Variants in TENM2 observed in about 807,000 individuals in gnomAD.
TENM2 encodes the protein teneurin-2.
TENM2 carries 52 observed loss-of-function variants against 245.2 expected under a neutral mutation model. That is an observed-to-expected ratio of 0.21 (90% CI 0.17 to 0.27). The LOEUF (loss-of-function observed/expected upper bound fraction) is 0.27. Among genes scored for constraint, TENM2 ranks in the 10% least tolerant of loss-of-function variants. The pLI, the probability that TENM2 is intolerant of heterozygous loss-of-function variation, is 1.00. For missense variants in TENM2, 3,046 were observed against 3,666.8 expected (o/e 0.83, Z 4.37); for synonymous variants, 1,363 against 1,438.9 (o/e 0.95, Z 1.19).
chr5:167,930,771 T>TAAA (rs397737158), intron 3 of TENM2, among the ~76,000 whole-genome samples: 21 of 151,654 alleles, frequency 1.4e-4, no homozygotes, highest in East Asian at 3.9e-4. Flanking sequence ...TTTTTTTTTT[T>TAAA]AAAAAAGCAT....
At chr5:167,082,786 A>T in the TENM2 span, among the ~76,000 whole-genome samples, 7 of 152,132 alleles carry the variant, frequency 4.6e-5, no homozygotes, top group Non-Finnish European at 1.0e-4. Flanking sequence ...TTTAAAAATT[A>T]ATTTATTTTT....
chr5:167,909,700 G>T (rs1776399776), intron 3 of TENM2, among the ~76,000 whole-genome samples: 1 of 152,178 alleles, frequency 6.6e-6, no homozygotes, highest in Non-Finnish European at 1.5e-5. Flanking sequence ...CCAAAGTTTA[G>T]AGGACTGTAT....
At chr5:168,103,059 G>A (rs1793949833) in intron 9 of TENM2, among the ~76,000 whole-genome samples, 1 of 148,778 alleles carries the variant, frequency 6.7e-6, no homozygotes, top group South Asian at 2.1e-4. Flanking sequence ...AGGCCCCAGT[G>A]TGTGCTGTTC....
intron 13 of TENM2, among the ~76,000 whole-genome samples, chr5:168,165,653 C>A (rs1289725015): frequency 2.8e-4 from 12 of 42,142 alleles, no homozygotes; most frequent in Non-Finnish European, 3.6e-4. Context: ...CCCCAACCCC[C>A]CCCCCCCCCC....
chr5:167,693,184 C>T (rs960263386), intron 2 of TENM2, among the ~76,000 whole-genome samples: 2 of 152,102 alleles, frequency 1.3e-5, no homozygotes, highest in African/African-American at 2.4e-5. Flanking sequence ...AATATCATAA[C>T]CTCTGGGAAG....
rs138648769 is a variant in TENM2, at chr5:167,675,808, G to A, written c.503-200178G>A. 3.8e-4 allele frequency among the ~76,000 whole-genome samples: 58 copies of A among 152,206 alleles called. 1 individual carries two copies. In the East Asian group the frequency reaches 7.1e-3, roughly 19 times the overall value. ...GAAGCAATTGTTATGTTAAGTCAGAGAGTCGCATTTTCATGTAGACAGTAC... is the reference window on the plus strand; with the variant it reads ...GAAGCAATTGTTATGTTAAGTCAGAAAGTCGCATTTTCATGTAGACAGTAC... On this transcript the variant is annotated intron_variant, in intron 2 of 28. Transcript: ENST00000518659.
At chr5:167,300,773 G>A in intron 1 of TENM2, among the ~76,000 whole-genome samples, 1 of 151,862 alleles carries the variant, frequency 6.6e-6, no homozygotes, top group East Asian at 1.9e-4. Context: ...TATGAAGGAG[G>A]CTTTGAACTG....
the TENM2 span, among the ~76,000 whole-genome samples, chr5:167,216,667 C>T: frequency 6.6e-6 from 1 of 152,178 alleles, no homozygotes; most frequent in Non-Finnish European, 1.5e-5. Context: ...TGGCTTATGC[C>T]TGTAATCCCA....
intron 2 of TENM2, among the ~76,000 whole-genome samples, chr5:167,853,325 G>GCT (rs1210921978): frequency 1.6e-5 from 2 of 125,768 alleles, no homozygotes; most frequent in African/African-American, 3.1e-5. Context: ...AAGTGATCGG[G>GCT]CTCTATTTGA....
At chr5:167,905,834 A>T (rs1267440287) in intron 3 of TENM2, among the ~76,000 whole-genome samples, 1 of 152,240 alleles carries the variant, frequency 6.6e-6, no homozygotes, top group Non-Finnish European at 1.5e-5. Context: ...AATAATTGCA[A>T]TATTCCACAA....
chr5:167,904,918 C>T (rs1775970731), intron 3 of TENM2, among the ~76,000 whole-genome samples: 1 of 152,184 alleles, frequency 6.6e-6, no homozygotes, highest in Non-Finnish European at 1.5e-5. Context: ...GTCAAAAGAG[C>T]TTCTTTCTCT....
At chr5:167,339,053 G>T (rs1757945533) in intron 1 of TENM2, among the ~76,000 whole-genome samples, 1 of 152,270 alleles carries the variant, frequency 6.6e-6, no homozygotes, top group Non-Finnish European at 1.5e-5. Flanking sequence ...GGTCTCCCTA[G>T]ATTTGTGTTC....
chr5:168,025,444 G>A (rs547207073), intron 5 of TENM2, among the ~76,000 whole-genome samples: 1 of 152,292 alleles, frequency 6.6e-6, no homozygotes, highest in South Asian at 2.1e-4. Flanking sequence ...ATATATGTTA[G>A]TGTTGGGTAA....
intron 3 of TENM2, among the ~76,000 whole-genome samples, chr5:167,923,786 C>CT (rs1777546607): frequency 1.3e-5 from 2 of 152,140 alleles, no homozygotes; most frequent in Admixed American, 1.3e-4. Flanking sequence ...GGCATTAACT[C>CT]TCGGGAAGGA....
chr5:167,285,364 G>A (rs1409983490), intron 1 of TENM2, among the ~76,000 whole-genome samples: 1 of 152,066 alleles, frequency 6.6e-6, no homozygotes, highest in Non-Finnish European at 1.5e-5. Context: ...GTGTATCTTG[G>A]TTAAAACATC....
chr5:167,849,951 T>C (rs1770419876), intron 2 of TENM2, among the ~76,000 whole-genome samples: 1 of 152,124 alleles, frequency 6.6e-6, no homozygotes, highest in Non-Finnish European at 1.5e-5. Flanking sequence ...TTTTGTTTTT[T>C]ATGGAGGCCT....
At chr5:167,444,333 T>A (rs1765042637) in intron 2 of TENM2, among the ~76,000 whole-genome samples, 1 of 149,638 alleles carries the variant, frequency 6.7e-6, no homozygotes, top group Admixed American at 6.6e-5. Flanking sequence ...TCCTTAATTC[T>A]GCCATGACAA....
At chr5:167,751,081 C>G (rs1421621840) in intron 2 of TENM2, among the ~76,000 whole-genome samples, 1 of 151,938 alleles carries the variant, frequency 6.6e-6, no homozygotes, top group Non-Finnish European at 1.5e-5. Context: ...ATGATGTATT[C>G]CAGGAGTTGA....
chr5:167,553,228 CAT>C (rs553701555), intron 2 of TENM2, among the ~76,000 whole-genome samples: 78 of 152,314 alleles, frequency 5.1e-4, no homozygotes, highest in Admixed American at 1.2e-3. Context: ...CACATAAAGA[CAT>C]GAGCACTGGC....
Sources: allele counts gnomAD v4.1 joint callset (sites outside exome capture counted in the v4.1 genomes callset), GRCh38; gene constraint gnomAD v4.1.1; transcripts MANE v1.5; gene names NCBI Gene and HGNC (gene_info 2026-07-23, HGNC 2026-07-21).